TMF1: variants seen among roughly 807,000 people sequenced by gnomAD.
TMF1 encodes the protein TATA element modulatory factor 1, also known as TATA element modulatory factor.
Under a neutral mutation model 126.5 loss-of-function variants are expected in TMF1, and 71 were observed. The ratio of observed to expected loss-of-function variants is 0.56; its 90% CI spans 0.46 to 0.68. The LOEUF (loss-of-function observed/expected upper bound fraction) is 0.68. Ranked by LOEUF, TMF1 falls within the 30% of genes least tolerant of loss-of-function variation. The pLI, the probability that TMF1 is intolerant of heterozygous loss-of-function variation, is 0.00. For missense variants in TMF1, 1,259 were observed against 1,253.2 expected, an observed-to-expected ratio of 1.00 and a Z score of -0.07; for synonymous variants, 461 against 430.5, an observed-to-expected ratio of 1.07 and a Z score of -0.88.
intron 6 of TMF1, 61 bp downstream of exon 6, chr3:69,039,490 C>G: frequency 6.5e-7 from 1 of 1,537,206 alleles, no homozygotes; most frequent in Admixed American, 2.1e-5. Flanking sequence ...ATAACCATGG[C>G]CAACTGTTCA....
At chr3:69,051,864 C>A in intron 1 of TMF1, 81 bp downstream of exon 1, 1 of 1,478,758 alleles carries the variant, frequency 6.8e-7, no homozygotes, top group South Asian at 1.3e-5. Context: ...AGGAAGGACC[C>A]CTCTCTACAC....
Position 69,022,572 on chromosome 3 carries a change from T to A in TMF1, c.*605A>T, listed in dbSNP as rs1005809502. On this transcript the variant is annotated 3_prime_UTR_variant, in exon 17 of 17. Coordinates refer to ENST00000398559, the MANE Select transcript of TMF1 (RefSeq NM_007114.3). ...GGTGAAATAAATTTTCAGATCAAAA[T>A]TTTTTTTAAGTTTAAATCATTCACT... 2 of 152,412 alleles carry A rather than the reference T, an allele frequency of 1.3e-5. No homozygotes were observed. The highest frequency in any genetic ancestry group is 4.8e-5 in the African/African-American group (2 of 41,394). The allele number at this position is 152,412 out of a possible 1,614,324, so 9.4% of individuals were successfully genotyped here. A position where few individuals can be genotyped will look rare whatever the true frequency, so the allele number is the denominator to read the frequency against.
At chr3:69,042,505 T>C in intron 5 of TMF1, 2 of 517,104 alleles carry the variant, frequency 3.9e-6, no homozygotes, top group Non-Finnish European at 7.4e-6. Flanking sequence ...TTGAATGTCT[T>C]GGTTTAAATG....
intron 13 of TMF1, 62 bp from the exon 14 acceptor site, chr3:69,026,159 G>A: frequency 9.0e-7 from 1 of 1,113,358 alleles, no homozygotes; most frequent in Admixed American, 1.8e-5. Context: ...GAGAAAGCAA[G>A]AACATTTCCT....
chr3:69,036,294 A>G (rs1243743318), intron 8 of TMF1, among the ~76,000 whole-genome samples: 1 of 152,026 alleles, frequency 6.6e-6, no homozygotes, highest in Non-Finnish European at 1.5e-5. Context: ...TAATCTATCA[A>G]TAAGAAAGAG....
chr3:69,048,607 C>T, intron 1 of TMF1, 45 bp from the exon 2 acceptor site: 2 of 1,426,510 alleles, frequency 1.4e-6, no homozygotes, highest in South Asian at 1.4e-5. Flanking sequence ...ATATATGTTA[C>T]ATTAATATTT....
rs1449734695 is a variant in TMF1 at position 69,043,665 on chromosome 3, T to A, written c.1578+85A>T. 8.6e-6 allele frequency: 11 copies of A among 1,277,466 alleles called. No individual in the cohort carries two copies. The East Asian group carries it at 2.5e-4, about 29-fold the overall frequency. 79.1% of individuals were successfully genotyped at this position (1,277,466 alleles called of 1,614,324 possible). A position where few individuals can be genotyped will look rare whatever the true frequency, so the allele number is the denominator to read the frequency against. ...TCCTTTTCACCTTACTTCTCTTTTT[T>A]CCAATATCAAAATACGATGAATGCA... On this transcript the variant is annotated intron_variant, in intron 4 of 16. Transcript: ENST00000398559.
intron 11 of TMF1, among the ~76,000 whole-genome samples, chr3:69,029,418 G>A (rs946320537): frequency 1.3e-5 from 2 of 150,664 alleles, no homozygotes; most frequent in Non-Finnish European, 2.9e-5. Flanking sequence ...AAAAGCCAAC[G>A]ACATACTTTG....
intron 9 of TMF1, 77 bp downstream of exon 9, chr3:69,034,946 A>G (rs2091824159): frequency 3.9e-6 from 5 of 1,282,512 alleles, no homozygotes; most frequent in Non-Finnish European, 5.7e-6. Flanking sequence ...CATGAACACT[A>G]TCCCACTGAG....
intron 12 of TMF1, 84 bp downstream of exon 12, chr3:69,028,142 T>C (rs1575809099): frequency 7.9e-7 from 1 of 1,267,470 alleles, no homozygotes; most frequent in Non-Finnish European, 1.1e-6. Context: ...ACCCATTTCA[T>C]CTTGTTATCT....
At chr3:69,024,611 C>T (rs758138758) in intron 15 of TMF1, among the ~76,000 whole-genome samples, 4 of 152,004 alleles carry the variant, frequency 2.6e-5, no homozygotes, top group Admixed American at 1.3e-4. Flanking sequence ...TATAGCATAC[C>T]AGCTATACAA....
rs1464034239 is a variant in TMF1, at chr3:69,039,682, A to G, written c.1696T>C (p.Ser566Pro). The G allele has an allele frequency of 6.2e-7, 1 of 1,610,302 alleles. No individual in the cohort carries two copies. Among genetic ancestry groups the G allele is most frequent in the Non-Finnish European group, 8.5e-7 (1 of 1,179,054 alleles). Residue 566 changes from serine to proline, a missense_variant, in exon 6 of 17, where the codon TCA (serine) becomes CCA (proline). Physicochemically the swap from Ser to Pro is moderately conservative, Grantham distance 74. Transcript: ENST00000398559. ...TTAGAATTGTGCAGCTGCTGTTTTG[A>G]AAGTTTTTCTCCTGGTGATGGTAAA... ...RGLMEEGEKL[S>P]KQQLHNSNII...
rs769176987 is a variant in TMF1, at chr3:69,042,792, A to G, written c.1684+15T>C. 15 of 1,604,164 alleles carry G rather than the reference A, an allele frequency of 9.4e-6. No individual in the cohort carries two copies. The African/African-American group carries it at 1.9e-4, about 20-fold the overall frequency. ...CTTACAGTATTTTTCATAGTCAACC[A>G]AATACTATACGCACCTTCTTCCATT... On this transcript the variant is annotated intron_variant, in intron 5 of 16. Coordinates refer to ENST00000398559, the MANE Select transcript of TMF1 (RefSeq NM_007114.3).
Position 69,047,419 on chromosome 3 carries a change from T to A in TMF1, c.1286A>T (p.Glu429Val). 2 of 1,614,020 alleles carry A rather than the reference T, an allele frequency of 1.2e-6. No individual in the cohort carries two copies. Among genetic ancestry groups the A allele is most frequent in the South Asian group, 2.2e-5 (2 of 91,060 alleles). The change falls in exon 2 of 17, where the codon GAG (glutamate) becomes GTG (valine). Residue 429 changes from glutamate (E) to valine (V), a missense_variant. Transcript: ENST00000398559. Reference sequence around the variant, plus strand: ...CTGACTTTCAGCAGGTTCACACTGCTCAGCCACCTTGTCTAACACAGTCTG... The same window carrying A: ...CTGACTTTCAGCAGGTTCACACTGCACAGCCACCTTGTCTAACACAGTCTG... ...EGQTVLDKVA[E>V]QCEPAESQPE...
intron 8 of TMF1, 122 bp from the exon 9 acceptor site, chr3:69,035,237 G>T: frequency 1.4e-6 from 1 of 739,026 alleles, no homozygotes; most frequent in South Asian, 1.9e-5. Context: ...ACTCTCCAAT[G>T]AACTTTTACA....
At chr3:69,049,812 T>C (rs2107471757) in intron 1 of TMF1, among the ~76,000 whole-genome samples, 1 of 152,320 alleles carries the variant, frequency 6.6e-6, no homozygotes, top group Non-Finnish European at 1.5e-5. Context: ...GTTAAAGTAT[T>C]TAAAGCATTT....
chr3:69,037,150 T>A (rs2107462595), intron 8 of TMF1, among the ~76,000 whole-genome samples: 1 of 152,230 alleles, frequency 6.6e-6, no homozygotes, highest in East Asian at 1.9e-4. Context: ...AGAAGATACA[T>A]AAATGGCCAA....
chr3:69,023,700 A>T (rs1005702741), intron 16 of TMF1, among the ~76,000 whole-genome samples: 2 of 152,116 alleles, frequency 1.3e-5, no homozygotes, highest in Non-Finnish European at 2.9e-5. Flanking sequence ...ACATATTCTC[A>T]CTTATGGCTT....
Position 69,052,113 on chromosome 3 carries a change from C to G in TMF1, c.-27G>C, listed in dbSNP as rs1331879811. 3 of 1,595,210 alleles carry G rather than the reference C, an allele frequency of 1.9e-6. No individual in the cohort carries two copies. The highest frequency in any genetic ancestry group is 2.6e-6 in the Non-Finnish European group (3 of 1,172,596). On this transcript the variant is annotated 5_prime_UTR_variant, in exon 1 of 17. Coordinates refer to ENST00000398559, the MANE Select transcript of TMF1 (RefSeq NM_007114.3). ...GCCCCTCCTCAGCCGGCAGTGGCGG[C>G]GGCAGCACCAAGCGGGAAGGCCTCA...
Sources: allele counts gnomAD v4.1 joint callset (sites outside exome capture counted in the v4.1 genomes callset), GRCh38; gene constraint gnomAD v4.1.1; transcripts MANE v1.5; gene names NCBI Gene and HGNC (gene_info 2026-07-23, HGNC 2026-07-21).